CIMAP3: variants seen among roughly 807,000 people sequenced by gnomAD.
CIMAP3 encodes ciliary microtubule associated protein 3, also known as ciliary microtubule-associated protein 3.
At chr1:111,348,397 T>C in the CIMAP3 span, 3 of 1,114,548 alleles carry the variant, frequency 2.7e-6, no homozygotes, top group East Asian at 5.2e-5. Flanking sequence ...TTGAGGTGGC[T>C]GAACCATAGC....
the CIMAP3 span, chr1:111,348,629 G>T: frequency 6.2e-7 from 1 of 1,600,896 alleles, no homozygotes; most frequent in Non-Finnish European, 8.5e-7. Context: ...ACTACCCAAA[G>T]GACACTTACT....
At chr1:111,348,784 C>T in the CIMAP3 span, 30 of 851,498 alleles carry the variant, frequency 3.5e-5, no homozygotes, top group Middle Eastern at 2.4e-4. Flanking sequence ...GAGATTTAAT[C>T]AATTGTCTCA....
the CIMAP3 span, chr1:111,324,840 C>A: frequency 1.0e-6 from 1 of 985,198 alleles, no homozygotes; most frequent in Non-Finnish European, 1.2e-6. Flanking sequence ...TGAGAGGCAA[C>A]AAAACCATAT....
chr1:111,330,414 G>A, the CIMAP3 span, among the ~76,000 whole-genome samples: 1 of 152,168 alleles, frequency 6.6e-6, no homozygotes, highest in African/African-American at 2.4e-5. Flanking sequence ...TTTATTTGAA[G>A]CTGACTTCTT....
At chr1:111,343,053 CT>C in the CIMAP3 span, among the ~76,000 whole-genome samples, 1 of 152,130 alleles carries the variant, frequency 6.6e-6, no homozygotes. Flanking sequence ...CATTCATTCA[CT>C]TTTTTCAGCT....
the CIMAP3 span, among the ~76,000 whole-genome samples, chr1:111,335,879 G>T: frequency 6.6e-6 from 1 of 152,250 alleles, no homozygotes; most frequent in Non-Finnish European, 1.5e-5. Context: ...GGAGATCTGA[G>T]AATGGGCAGA....
the CIMAP3 span, chr1:111,346,799 G>T: frequency 6.4e-7 from 1 of 1,568,058 alleles, no homozygotes; most frequent in East Asian, 2.2e-5. Flanking sequence ...TTTTGTAAGC[G>T]CACGGTTGGG....
chr1:111,352,030 A>C, the CIMAP3 span: 2 of 152,184 alleles, frequency 1.3e-5, no homozygotes, highest in Admixed American at 1.3e-4. Context: ...CAGGGCAGCT[A>C]GGGGATTGGG....
At chr1:111,349,689 GGCTTT>G in the CIMAP3 span, 204 of 155,544 alleles carry the variant, frequency 1.3e-3, 2 homozygotes, top group African/African-American at 4.5e-3. Context: ...AAATTTAACT[GGCTTT>G]GCTTTGCTTT....
the CIMAP3 span, among the ~76,000 whole-genome samples, chr1:111,340,264 C>T: frequency 6.6e-6 from 1 of 151,494 alleles, no homozygotes; most frequent in African/African-American, 2.4e-5. Flanking sequence ...TAGAAGAAAA[C>T]CTAGGCATTA....
At chr1:111,335,820 C>T in the CIMAP3 span, among the ~76,000 whole-genome samples, 1 of 152,236 alleles carries the variant, frequency 6.6e-6, no homozygotes, top group Admixed American at 6.5e-5. Flanking sequence ...ACTTAAATGT[C>T]CCTGTCTGAC....
chr1:111,342,013 AAAT>A, the CIMAP3 span, among the ~76,000 whole-genome samples: 1 of 150,384 alleles, frequency 6.6e-6, no homozygotes, highest in Non-Finnish European at 1.5e-5. Flanking sequence ...TCATTCAAAG[AAAT>A]AATAACAGAA....
At chr1:111,324,671 C>T in the CIMAP3 span, 1 of 968,190 alleles carries the variant, frequency 1.0e-6, no homozygotes, top group Admixed American at 6.2e-5. Flanking sequence ...TTAGTTACAC[C>T]CTTCATTTTC....
At chr1:111,329,516 C>CATATATATAT in the CIMAP3 span, among the ~76,000 whole-genome samples, 240 of 106,180 alleles carry the variant, frequency 2.3e-3, no homozygotes, top group Middle Eastern at 5.0e-3. Flanking sequence ...CACATAAACC[C>CATATATATAT]ATATATATAT....
chr1:111,350,311 T>C, the CIMAP3 span: 1 of 1,091,658 alleles, frequency 9.2e-7, no homozygotes, highest in Non-Finnish European at 1.3e-6. Flanking sequence ...GGTCTGTGAA[T>C]GAACTTCAGG....
the CIMAP3 span, among the ~76,000 whole-genome samples, chr1:111,334,636 C>T: frequency 8.5e-5 from 13 of 152,192 alleles, no homozygotes; most frequent in East Asian, 2.5e-3. Flanking sequence ...ACTCAGTGAT[C>T]TCTAAGATAA....
At chr1:111,339,454 C>T in the CIMAP3 span, among the ~76,000 whole-genome samples, 9 of 150,302 alleles carry the variant, frequency 6.0e-5, no homozygotes, top group Admixed American at 5.9e-4. Flanking sequence ...ATCTAGAAAA[C>T]CCCATTGTCT....
At chr1:111,351,086 G>A in the CIMAP3 span, among the ~76,000 whole-genome samples, 43,032 of 151,648 alleles carry the variant, frequency 0.28, 6,303 homozygotes, top group South Asian at 0.36. Flanking sequence ...AGATGATAAA[G>A]GGTAGATGTA....
chr1:111,328,605 C>T, the CIMAP3 span, among the ~76,000 whole-genome samples: 1 of 152,138 alleles, frequency 6.6e-6, no homozygotes, highest in Admixed American at 6.5e-5. Context: ...TTATGTAATG[C>T]CCTTCTTTGT....
Sources: allele counts gnomAD v4.1 joint callset (sites outside exome capture counted in the v4.1 genomes callset), GRCh38; gene constraint gnomAD v4.1.1; transcripts MANE v1.5; gene names NCBI Gene and HGNC (gene_info 2026-07-23, HGNC 2026-07-21).